CELF5: variants seen among roughly 807,000 people sequenced by gnomAD.
CELF5 encodes CUGBP Elav-like family member 5.
CELF5 carries 6 observed loss-of-function variants against 54.9 expected under a neutral mutation model. The ratio of observed to expected loss-of-function variants is 0.11; its 90% confidence interval spans 0.06 to 0.22. The LOEUF is 0.22. CELF5 is among the 10% of genes least tolerant of loss of function. The pLI is 1.00. For synonymous variants in CELF5, 271 were observed against 290.9 expected, an observed-to-expected ratio of 0.93 and a Z score of 0.70; for missense variants, 401 against 678.6, an observed-to-expected ratio of 0.59 and a Z score of 4.54.
At chr19:3,274,869 G>T (rs1288338563) in intron 3 of CELF5, among the ~76,000 whole-genome samples, 1 of 152,038 alleles carries the variant, frequency 6.6e-6, no homozygotes, top group Non-Finnish European at 1.5e-5. Flanking sequence ...GCGAGGTGGG[G>T]TCTGTATGTC....
At position 3,285,127 on chromosome 19, in the gene CELF5, C is replaced by A. The variant is rs550219206; in HGVS notation, c.1102+163C>A. On this transcript the variant is annotated intron_variant, in intron 9 of 12. Transcript: ENST00000292672. ...CACCCTTAGCCCCTTGTCCTGTATT[C>A]AACCCCGGGCCCTGTTACTGGTCCC... Among the ~76,000 whole-genome samples, 648 of 149,836 alleles carry A rather than the reference C, an allele frequency of 4.3e-3. 4 individuals are homozygous for A. The highest frequency in any genetic ancestry group is 0.015 in the African/African-American group (607 of 40,758).
chr19:3,241,836 C>T (rs964163752), intron 1 of CELF5, among the ~76,000 whole-genome samples: 5 of 152,086 alleles, frequency 3.3e-5, no homozygotes, highest in Admixed American at 3.3e-4. Flanking sequence ...AGTGCAGTGG[C>T]GCGACCTCGG....
chr19:3,297,018 A>G lies in CELF5; in HGVS notation c.*301A>G, dbSNP rs1245231850. The stretch of plus-strand genomic sequence containing the variant: ...AAAACGCCTCTCTTTGGTCTGGAGA[A>G]AAAAAAAAAAAAAAAAAAACAACTA... On this transcript the variant is annotated 3_prime_UTR_variant, in exon 13 of 13. Transcript: ENST00000292672. 4.0e-5 allele frequency: 3 copies of G among 74,106 alleles called. No individual in the cohort carries two copies. Among genetic ancestry groups the G allele is most frequent in the African/African-American group, 2.4e-4 (3 of 12,742 alleles). 4.6% of individuals were successfully genotyped at this position (74,106 alleles called of 1,614,324 possible). A position where few individuals can be genotyped will look rare whatever the true frequency, so the allele number is the denominator to read the frequency against.
rs1327302703 is a variant in CELF5, at chr19:3,228,795, G to A, written c.259+3797G>A. On this transcript the variant is annotated intron_variant, in intron 1 of 12. Coordinates refer to ENST00000292672, the MANE Select transcript of CELF5 (RefSeq NM_021938.4). The surrounding 1 kb of genome is among the most constrained non-coding windows in gnomAD (Gnocchi z 6.0). ...AGGCGGGCTGGGCGGCCTGGCGGGGGGACCGCGGGAGCAGTTGGCACCCCT... is the reference window on the plus strand; with the variant it reads ...AGGCGGGCTGGGCGGCCTGGCGGGGAGACCGCGGGAGCAGTTGGCACCCCT... Among the ~76,000 whole-genome samples the A allele has an allele frequency of 6.6e-6, 1 of 151,992 alleles. No individual in the cohort carries two copies. The highest frequency in any genetic ancestry group is 1.5e-5 in the Non-Finnish European group (1 of 67,968).
At position 3,275,795 on chromosome 19, in the gene CELF5, G is replaced by A; in HGVS notation, c.395-61G>A. On this transcript the variant is annotated intron_variant, in intron 3 of 12. Transcript: ENST00000292672. The surrounding 1 kb of genome is among the most constrained non-coding windows in gnomAD (Gnocchi z 6.7). ...CCTCCACTCTGCTGGAGGGAGGGAG[G>A]AATCCCGGAGGCCCTCCCGGAGGCC... The A allele has an allele frequency of 6.4e-7, 1 of 1,551,312 alleles. No homozygotes were observed. Among genetic ancestry groups the A allele is most frequent in the Non-Finnish European group, 8.7e-7 (1 of 1,143,032 alleles).
intron 2 of CELF5, among the ~76,000 whole-genome samples, chr19:3,273,356 T>TCCTCCTCCCCTACTGAGGAGGAGGGG (rs1409584805): frequency 2.0e-5 from 3 of 151,536 alleles, no homozygotes; most frequent in Admixed American, 6.6e-5. Flanking sequence ...ATGAGGCCCC[T>TCCTCCTCCCCTACTGAGGAGGAGGGG]CCTCCTCCCC....
At chr19:3,246,044 C>T (rs1044637020) in intron 1 of CELF5, among the ~76,000 whole-genome samples, 1 of 152,314 alleles carries the variant, frequency 6.6e-6, no homozygotes, top group South Asian at 2.1e-4. Context: ...CAGCACGTCC[C>T]TCCTGGGTAT....
rs1358767670 is a variant in CELF5 at position 3,268,712 on chromosome 19, C to T, written c.343-5160C>T. 2.0e-5 allele frequency among the ~76,000 whole-genome samples: 3 copies of T among 152,064 alleles called. No individual in the cohort carries two copies. The highest frequency in any genetic ancestry group is 1.9e-4 in the East Asian group (1 of 5,184). ...GTGCCCTTGTGCCCCTGCCTCCCAC[C>T]GGAGCTACCCCAAGTGAGGGGCAGT... is the stretch of plus-strand genomic sequence containing the variant. On this transcript the variant is annotated intron_variant, in intron 2 of 12. Coordinates refer to ENST00000292672, the MANE Select transcript of CELF5 (RefSeq NM_021938.4). The surrounding 1 kb of genome is among the most constrained non-coding windows in gnomAD (Gnocchi z 4.4).
intron 1 of CELF5, among the ~76,000 whole-genome samples, chr19:3,242,581 TG>T (rs1330122926): frequency 6.6e-6 from 1 of 151,748 alleles, no homozygotes; most frequent in Non-Finnish European, 1.5e-5. Flanking sequence ...CTGAGGTGGG[TG>T]GATCATAAGG....
chr19:3,285,700 G>C (rs2080233515), intron 9 of CELF5, among the ~76,000 whole-genome samples: 1 of 92,314 alleles, frequency 1.1e-5, no homozygotes, highest in African/African-American at 4.4e-5. Flanking sequence ...CTCGGTATTG[G>C]CCCTGCCCTC....
At chr19:3,287,034 CAAA>C (rs55661552) in intron 10 of CELF5, among the ~76,000 whole-genome samples, 29,765 of 102,806 alleles carry the variant, frequency 0.29, 3,508 homozygotes, top group Non-Finnish European at 0.36. Flanking sequence ...GACTCCGTCT[CAAA>C]AAAAAAAAAA....
Position 3,282,003 on chromosome 19 carries a change from C to G in CELF5, c.751-123C>G. 1 of 1,097,318 alleles carries G rather than the reference C, an allele frequency of 9.1e-7. No homozygotes were observed. The highest frequency in any genetic ancestry group is 1.4e-5 in the South Asian group (1 of 72,100). The allele number at this position is 1,097,318 out of a possible 1,614,324, so 68.0% of individuals were successfully genotyped here. A position where few individuals can be genotyped will look rare whatever the true frequency, so the allele number is the denominator to read the frequency against. ...TCCCAGTCTGAGCTCCAATTCTGAT[C>G]TCAGCCTGAGCCAAGATACCCAGCC... On this transcript the variant is annotated intron_variant, in intron 6 of 12. Coordinates refer to ENST00000292672, the MANE Select transcript of CELF5 (RefSeq NM_021938.4). This position sits in a 1 kb window ranked among gnomAD's most constrained non-coding sequence, Gnocchi z 5.2.
intron 2 of CELF5, among the ~76,000 whole-genome samples, chr19:3,270,839 G>A (rs193011800): frequency 2.0e-5 from 3 of 151,880 alleles, no homozygotes; most frequent in Admixed American, 2.0e-4. Flanking sequence ...TGGGGGGAAG[G>A]GACCTCCCAG....
chr19:3,257,735 C>T (rs2079749667), intron 2 of CELF5, among the ~76,000 whole-genome samples: 1 of 151,856 alleles, frequency 6.6e-6, no homozygotes, highest in Admixed American at 6.6e-5. Flanking sequence ...CTCGGACTCC[C>T]AAAGTGCTGG....
intron 1 of CELF5, among the ~76,000 whole-genome samples, chr19:3,239,387 C>G (rs1163161775): frequency 6.6e-6 from 1 of 152,010 alleles, no homozygotes; most frequent in Admixed American, 6.6e-5. Flanking sequence ...GTGTGTGCCA[C>G]CATGCCCGGC....
chr19:3,283,616 T>G (rs948216398), intron 8 of CELF5, among the ~76,000 whole-genome samples: 2 of 151,996 alleles, frequency 1.3e-5, no homozygotes, highest in African/African-American at 4.8e-5. Flanking sequence ...GGATTATAGG[T>G]GTGAGCCACT....
At chr19:3,276,209 G>A (rs1226473722) in intron 4 of CELF5, among the ~76,000 whole-genome samples, 2 of 136,372 alleles carry the variant, frequency 1.5e-5, no homozygotes, top group Non-Finnish European at 3.2e-5. Context: ...GAGGGGATGG[G>A]GCTGCAGGGT....
chr19:3,280,922 G>T (rs1019034763), intron 5 of CELF5, among the ~76,000 whole-genome samples: 6 of 152,166 alleles, frequency 3.9e-5, no homozygotes, highest in African/African-American at 1.4e-4. Context: ...TCTGTTTTGA[G>T]TGTGTGGCTG....
intron 1 of CELF5, among the ~76,000 whole-genome samples, chr19:3,245,047 C>T (rs1009080345): frequency 6.6e-5 from 8 of 120,618 alleles, no homozygotes; most frequent in Admixed American, 2.7e-4. Context: ...ATCTTGTCCA[C>T]GTGTGCGTAT....
Sources: gnomAD v4.1 joint callset for allele counts (sites outside exome capture counted in the v4.1 genomes callset) on GRCh38, gnomAD v4.1.1 for gene constraint, Gnocchi (gnomAD v3.1) non-coding constraint, MANE v1.5 for transcripts, NCBI Gene and HGNC (gene_info 2026-07-23, HGNC 2026-07-21) for gene names.